Variants in GRM8 observed in about 807,000 individuals in gnomAD.
GRM8 encodes metabotropic glutamate receptor 8.
Under a neutral mutation model 87.2 loss-of-function variants are expected in GRM8, and 47 were observed. That is an observed-to-expected ratio of 0.54 (90% CI 0.43 to 0.69). GRM8 has a LOEUF of 0.69. GRM8 is among the 30% of genes least tolerant of loss of function. GRM8 has a pLI of 0.00. For missense variants in GRM8, 1,019 were observed against 1,139.2 expected (o/e 0.89, Z 1.52); for synonymous variants, 396 against 404.5 (o/e 0.98, Z 0.25).
intron 6 of GRM8, among the ~76,000 whole-genome samples, chr7:126,890,878 T>G (rs1050872906): frequency 2.0e-5 from 3 of 152,008 alleles, no homozygotes; most frequent in Admixed American, 6.6e-5. Flanking sequence ...CCTCTGCAAT[T>G]TCCACTCCAC....
intron 8 of GRM8, among the ~76,000 whole-genome samples, chr7:126,550,375 G>A (rs571386101): frequency 4.0e-4 from 61 of 152,148 alleles, no homozygotes; most frequent in African/African-American, 1.4e-3. Flanking sequence ...GCCTCCCAAA[G>A]TGCTGGGATT....
intron 10 of GRM8, among the ~76,000 whole-genome samples, chr7:126,442,610 G>T (rs1160857398): frequency 6.6e-6 from 1 of 151,984 alleles, no homozygotes; most frequent in Non-Finnish European, 1.5e-5. Context: ...AAATAGAGTA[G>T]CAAGAGCTGA....
chr7:126,533,048 A>C lies in GRM8; in HGVS notation c.2334T>G (p.Asn778Lys), dbSNP rs778763796. Residue 778 changes from asparagine (N) to lysine (K), a missense_variant, in exon 9 of 11, where the codon AAT becomes AAG. By Grantham distance (94) the Asn-to-Lys change is moderately conservative. Transcript: ENST00000339582. ...TGGTAAATCCAATAGGTTTGGCTTC[A>C]TTGAAAGTCTCTGGGACACCTCTCG... ...IKTRGVPETFNEAKPIGFTMY... is the reference protein window; with the variant it reads ...IKTRGVPETFKEAKPIGFTMY... The C allele has an allele frequency of 6.2e-7, 1 of 1,613,540 alleles. No homozygotes were observed. The highest frequency in any genetic ancestry group is 8.5e-7 in the Non-Finnish European group (1 of 1,179,852).
chr7:127,212,408 T>C (rs1796262312), intron 2 of GRM8, among the ~76,000 whole-genome samples: 1 of 127,362 alleles, frequency 7.9e-6, no homozygotes, highest in Admixed American at 8.0e-5. Flanking sequence ...GGACATGGTG[T>C]TATTTTTTTT....
At chr7:126,881,291 A>T (rs1799998128) in intron 6 of GRM8, among the ~76,000 whole-genome samples, 2 of 152,332 alleles carry the variant, frequency 1.3e-5, no homozygotes, top group South Asian at 4.1e-4. Flanking sequence ...ACAGTCAAGG[A>T]AAAGGAGCAG....
chr7:127,083,346 G>C (rs1463050040), intron 3 of GRM8, among the ~76,000 whole-genome samples: 1 of 151,978 alleles, frequency 6.6e-6, no homozygotes, highest in African/African-American at 2.4e-5. Flanking sequence ...ACTTCTTAAA[G>C]GTCTTCCTAC....
intron 3 of GRM8, among the ~76,000 whole-genome samples, chr7:127,083,552 T>G (rs957117669): frequency 6.6e-6 from 1 of 152,032 alleles, no homozygotes; most frequent in African/African-American, 2.4e-5. Context: ...CTTTATATAA[T>G]TCTTCAAATG....
intron 9 of GRM8, among the ~76,000 whole-genome samples, chr7:126,472,919 T>C (rs1375425757): frequency 1.3e-5 from 2 of 152,200 alleles, no homozygotes; most frequent in African/African-American, 4.8e-5. Context: ...TTATAAATGG[T>C]GTTCAGCCTG....
At chr7:126,498,540 A>G (rs1489906259) in intron 9 of GRM8, among the ~76,000 whole-genome samples, 1 of 151,932 alleles carries the variant, frequency 6.6e-6, no homozygotes. Flanking sequence ...ACAACTGAAA[A>G]CGGCTCTACA....
intron 6 of GRM8, among the ~76,000 whole-genome samples, chr7:126,830,903 G>A (rs1344586531): frequency 6.6e-6 from 1 of 152,190 alleles, no homozygotes; most frequent in Non-Finnish European, 1.5e-5. Flanking sequence ...CTTTCTGTTT[G>A]TTAGCTTTCC....
intron 8 of GRM8, among the ~76,000 whole-genome samples, chr7:126,577,858 C>T (rs1795253140): frequency 6.6e-6 from 1 of 151,972 alleles, no homozygotes; most frequent in Non-Finnish European, 1.5e-5. Context: ...GTATCTTTCT[C>T]ATTTTGCAGC....
intron 8 of GRM8, among the ~76,000 whole-genome samples, chr7:126,534,748 T>C (rs143073661): frequency 6.6e-6 from 1 of 152,338 alleles, no homozygotes; most frequent in Non-Finnish European, 1.5e-5. Flanking sequence ...GCTTTTCTTA[T>C]TAGACACAGT....
At chr7:126,826,918 C>G (rs937356277) in intron 6 of GRM8, among the ~76,000 whole-genome samples, 1 of 152,180 alleles carries the variant, frequency 6.6e-6, no homozygotes, top group African/African-American at 2.4e-5. Flanking sequence ...GATCCAGTTT[C>G]AGCTTTCTCC....
intron 8 of GRM8, among the ~76,000 whole-genome samples, chr7:126,574,118 C>A (rs1054226221): frequency 1.1e-4 from 16 of 152,202 alleles, no homozygotes; most frequent in Admixed American, 8.5e-4. Flanking sequence ...ACTTAAAACA[C>A]CATTTTAAAT....
At chr7:126,922,096 A>G (rs1804592867) in intron 3 of GRM8, among the ~76,000 whole-genome samples, 1 of 152,220 alleles carries the variant, frequency 6.6e-6, no homozygotes, top group Admixed American at 6.5e-5. Context: ...GGATATGTAC[A>G]GTTCTGTCAA....
intron 3 of GRM8, among the ~76,000 whole-genome samples, chr7:126,911,514 T>C (rs1337976760): frequency 2.6e-5 from 4 of 152,352 alleles, no homozygotes; most frequent in African/African-American, 9.6e-5. Flanking sequence ...AACAACCACA[T>C]GTTCTGTTTC....
chr7:126,754,027 C>T (rs1816735343), intron 7 of GRM8, among the ~76,000 whole-genome samples: 2 of 151,848 alleles, frequency 1.3e-5, no homozygotes, highest in African/African-American at 2.4e-5. Flanking sequence ...GAACCACCGC[C>T]GGATAATGAT....
intron 2 of GRM8, among the ~76,000 whole-genome samples, chr7:127,136,581 TCAGATCTTTCAA>T (rs1005344946): frequency 1.2e-4 from 18 of 152,018 alleles, no homozygotes; most frequent in African/African-American, 4.4e-4. Context: ...ATTTTTTTAT[TCAGATCTTTCAA>T]ATCCTGGTAC....
intron 2 of GRM8, among the ~76,000 whole-genome samples, chr7:127,192,419 G>T (rs1213830703): frequency 6.6e-6 from 1 of 152,186 alleles, no homozygotes; most frequent in Non-Finnish European, 1.5e-5. Context: ...CTAAAATCTT[G>T]TTTCTGGGAG....
Sources: allele counts gnomAD v4.1 joint callset (sites outside exome capture counted in the v4.1 genomes callset), GRCh38; gene constraint gnomAD v4.1.1; transcripts MANE v1.5; gene names NCBI Gene and HGNC (gene_info 2026-07-23, HGNC 2026-07-21).